Variants in ECHDC1 observed in about 807,000 individuals in gnomAD.
ECHDC1 encodes the protein ethylmalonyl-CoA decarboxylase.
Under a neutral mutation model 29.7 loss-of-function variants are expected in ECHDC1, and 29 were observed. That is an observed-to-expected ratio of 0.98 (90% confidence interval 0.73 to 1.33). The LOEUF (loss-of-function observed/expected upper bound fraction) is 1.33, where lower values mean the gene tolerates loss of function less well. Among genes scored for constraint, ECHDC1 ranks in the 40% most tolerant of loss-of-function variants. The pLI, the probability that ECHDC1 is intolerant of heterozygous loss-of-function variation, is 0.00. For missense variants in ECHDC1, 328 were observed against 350.0 expected (o/e 0.94, Z 0.50); for synonymous variants, 126 against 123.1 (o/e 1.02, Z -0.15).
At chr6:127,324,175 T>A (rs539294348) in intron 3 of ECHDC1, among the ~76,000 whole-genome samples, 3 of 152,214 alleles carry the variant, frequency 2.0e-5, no homozygotes, top group African/African-American at 7.2e-5. Flanking sequence ...AAATAAACAA[T>A]AACAAAAGTA....
In ECHDC1 at chr6:127,290,292, A is replaced by C. The variant is rs776445895; in HGVS notation, c.498-15T>G. 1 of 1,598,966 alleles carries C rather than the reference A, an allele frequency of 6.3e-7. No homozygotes were observed. Among genetic ancestry groups the C allele is most frequent in the Non-Finnish European group, 8.5e-7 (1 of 1,174,304 alleles). On this transcript the variant is annotated splice_polypyrimidine_tract_variant and intron_variant, in intron 5 of 5. Transcript: ENST00000454859. Reference sequence around the variant, plus strand: ...GAGTCATTAACCTGTAAAAGAAAAAAGAAAAGCTTAATTGTAACTCTCTCT... The same window carrying C: ...GAGTCATTAACCTGTAAAAGAAAAACGAAAAGCTTAATTGTAACTCTCTCT...
chr6:127,297,891 T>C lies in ECHDC1; in HGVS notation c.498-7614A>G, dbSNP rs995096732. Among the ~76,000 whole-genome samples the C allele has an allele frequency of 9.8e-5, 15 of 152,310 alleles. No individual in the cohort carries two copies. The South Asian group carries it at 1.0e-3, about 11-fold the overall frequency. ...ACAAAGAGCTTTCTTCTTTCACTTA[T>C]TAAACTTTGACTCCAACCTCCCCCT... On this transcript the variant is annotated intron_variant, in intron 5 of 5. Coordinates refer to ENST00000454859, the MANE Select transcript of ECHDC1 (RefSeq NM_001002030.2).
intron 5 of ECHDC1, among the ~76,000 whole-genome samples, chr6:127,296,332 T>A (rs1780592441): frequency 1.3e-5 from 2 of 152,138 alleles, no homozygotes; most frequent in African/African-American, 2.4e-5. Flanking sequence ...TAGCTGCAAC[T>A]ACACGTGCGC....
chr6:127,297,503 C>G (rs757796847), intron 5 of ECHDC1, among the ~76,000 whole-genome samples: 1 of 152,310 alleles, frequency 6.6e-6, no homozygotes, highest in East Asian at 1.9e-4. Context: ...GCTACAGGCA[C>G]AAACAGAACA....
chr6:127,343,383 CT>C lies in ECHDC1; in HGVS notation c.-51del. On this transcript the variant is annotated 5_prime_UTR_variant, in exon 1 of 6. The change abolishes the stop of an existing upstream ORF in the 5' untranslated region. Transcript: ENST00000454859. ...TTCCTTTTCCGCTCCCCTACACACG[CT>C]TTTCCGTTTTGCGTGCCTTTGTTTC... The C allele has an allele frequency of 6.5e-6, 1 of 152,842 alleles. No homozygotes were observed. The highest frequency in any genetic ancestry group is 1.5e-5 in the Non-Finnish European group (1 of 68,454). 9.5% of individuals were successfully genotyped at this position (152,842 alleles called of 1,614,324 possible).
rs1039032733 is a variant in ECHDC1, at chr6:127,289,249, C to T, written c.*620G>A. The T allele has an allele frequency of 3.3e-5, 5 of 152,008 alleles. No individual in the cohort carries two copies. The highest frequency in any genetic ancestry group is 6.6e-5 in the Admixed American group (1 of 15,236). The allele number at this position is 152,008 out of a possible 1,614,324, so 9.4% of individuals were successfully genotyped here. A position where few individuals can be genotyped will look rare whatever the true frequency, so the allele number is the denominator to read the frequency against. The stretch of plus-strand genomic sequence containing the variant: ...TCCAATTGTAGAATCAGTTGACTTT[C>T]CATGTCATGGCTACCACTGTTTAGT... On this transcript the variant is annotated 3_prime_UTR_variant, in exon 6 of 6. Transcript: ENST00000454859.
rs536420269 is a variant in ECHDC1, at chr6:127,318,295, A to G, written c.364-1793T>C. Among the ~76,000 whole-genome samples the G allele has an allele frequency of 2.6e-5, 4 of 152,332 alleles. No homozygotes were observed. The South Asian group carries it at 8.3e-4, about 32-fold the overall frequency. ...GCTGTCCTTCTCTCTACCTATTTCA[A>G]GGAATGCCCAGATCATATAATATTT... On this transcript the variant is annotated intron_variant, in intron 3 of 5. Transcript: ENST00000454859.
chr6:127,299,748 T>A (rs1780909933), intron 5 of ECHDC1, among the ~76,000 whole-genome samples: 1 of 152,172 alleles, frequency 6.6e-6, no homozygotes, highest in Non-Finnish European at 1.5e-5. Flanking sequence ...AGTAATGTCC[T>A]AGGCCTTCAC....
At chr6:127,340,806 T>C (rs1236468354) in intron 1 of ECHDC1, among the ~76,000 whole-genome samples, 2 of 151,962 alleles carry the variant, frequency 1.3e-5, no homozygotes, top group Non-Finnish European at 1.5e-5. Flanking sequence ...GGAGTTAATC[T>C]AGAAAATAAG....
chr6:127,298,535 T>G lies in ECHDC1; in HGVS notation c.498-8258A>C, dbSNP rs554573025. On this transcript the variant is annotated intron_variant, in intron 5 of 5. Coordinates refer to ENST00000454859, the MANE Select transcript of ECHDC1 (RefSeq NM_001002030.2). ...TTGAAACCAAGCTAACCATCCATAC[T>G]ACAGGTATAATTATGTTTAAAATAA... 6.0e-4 allele frequency among the ~76,000 whole-genome samples: 92 copies of G among 152,180 alleles called. 1 individual carries two copies. In the South Asian group the frequency reaches 0.018, roughly 30 times the overall value.
intron 5 of ECHDC1, among the ~76,000 whole-genome samples, chr6:127,294,194 A>C (rs777187246): frequency 6.6e-6 from 1 of 152,210 alleles, no homozygotes; most frequent in African/African-American, 2.4e-5. Context: ...AAAGTTTGGA[A>C]TCACTGATTT....
intron 3 of ECHDC1, among the ~76,000 whole-genome samples, chr6:127,324,332 T>A (rs1487515145): frequency 6.6e-6 from 1 of 152,146 alleles, no homozygotes; most frequent in Non-Finnish European, 1.5e-5. Flanking sequence ...GCTAACTCAA[T>A]CCTCAAAAAC....
intron 3 of ECHDC1, 53 bp downstream of exon 3, chr6:127,326,949 A>C (rs765989452): frequency 5.8e-6 from 9 of 1,546,270 alleles, no homozygotes; most frequent in Non-Finnish European, 8.0e-6. Flanking sequence ...TGTATCTGCC[A>C]TACATGTCTA....
intron 5 of ECHDC1, among the ~76,000 whole-genome samples, chr6:127,304,762 A>G (rs1400827262): frequency 6.6e-6 from 1 of 152,200 alleles, no homozygotes; most frequent in African/African-American, 2.4e-5. Flanking sequence ...CATACTATTG[A>G]AGAATGCATC....
At chr6:127,305,880 AAAAG>A (rs1354637993) in intron 5 of ECHDC1, among the ~76,000 whole-genome samples, 1 of 152,086 alleles carries the variant, frequency 6.6e-6, no homozygotes, top group African/African-American at 2.4e-5. Context: ...AAGGAAGAAG[AAAAG>A]AAAGAGAAGA....
intron 3 of ECHDC1, among the ~76,000 whole-genome samples, chr6:127,321,094 A>G (rs1045685732): frequency 6.6e-6 from 1 of 152,168 alleles, no homozygotes; most frequent in Non-Finnish European, 1.5e-5. Context: ...TTTTATGATA[A>G]AAAAGCCACT....
chr6:127,327,191 G>C, intron 2 of ECHDC1, 47 bp from the exon 3 acceptor site: 1 of 1,579,782 alleles, frequency 6.3e-7, no homozygotes, highest in Non-Finnish European at 8.6e-7. Context: ...AAGGTGACTG[G>C]AAAAACAGAA....
At chr6:127,322,585 C>T (rs919598974) in intron 3 of ECHDC1, among the ~76,000 whole-genome samples, 7 of 151,726 alleles carry the variant, frequency 4.6e-5, no homozygotes, top group Admixed American at 3.9e-4. Flanking sequence ...AAACTCTCTC[C>T]ATGTTTTCCT....
intron 1 of ECHDC1, among the ~76,000 whole-genome samples, chr6:127,339,090 T>C (rs768429678): frequency 1.3e-5 from 2 of 152,096 alleles, no homozygotes; most frequent in Non-Finnish European, 2.9e-5. Flanking sequence ...TCTCCTAAAC[T>C]GCCAGTTGCA....
Sources: allele counts gnomAD v4.1 joint callset (sites outside exome capture counted in the v4.1 genomes callset), GRCh38; gene constraint gnomAD v4.1.1; transcripts MANE v1.5; gene names NCBI Gene and HGNC (gene_info 2026-07-23, HGNC 2026-07-21).